Variants in PRKN observed in about 807,000 individuals in gnomAD.
PRKN encodes parkin RBR E3 ubiquitin protein ligase.
In PRKN, 56 loss-of-function variants were observed where a neutral mutation model predicts 59.5. The observed-to-expected ratio is 0.94, with a 90% CI of 0.76 to 1.18. The LOEUF is 1.18. Ranked by LOEUF, PRKN falls within the 50% of genes most tolerant of loss-of-function variation. The pLI, the probability that PRKN is intolerant of heterozygous loss-of-function variation, is 0.00. For synonymous variants in PRKN, 250 were observed against 222.1 expected (o/e 1.13, Z -1.12); for missense variants, 657 against 596.4 (o/e 1.10, Z -1.06).
intron 2 of PRKN, among the ~76,000 whole-genome samples, chr6:162,287,304 C>T (rs1335749193): frequency 2.0e-5 from 3 of 152,226 alleles, no homozygotes; most frequent in East Asian, 1.9e-4. Flanking sequence ...TGGGGGTTCT[C>T]GCCTGTAATC....
chr6:161,556,662 T>G (rs1338900626), intron 8 of PRKN, among the ~76,000 whole-genome samples: 1 of 152,188 alleles, frequency 6.6e-6, no homozygotes, highest in Non-Finnish European at 1.5e-5. Flanking sequence ...CTACCCCAGT[T>G]GGTGGAAGGG....
Position 161,576,258 on chromosome 6 carries a change from G to A in PRKN, c.872-6842C>T, listed in dbSNP as rs1286823174. Among the ~76,000 whole-genome samples, 1 of 152,134 alleles carries A rather than the reference G, an allele frequency of 6.6e-6. No individual in the cohort carries two copies. The highest frequency in any genetic ancestry group is 2.4e-5 in the African/African-American group (1 of 41,432). Reference sequence around the variant, plus strand: ...ATTTTAATCCTTTCTCTCTGCTGATGGGTTTTTATTTATAAAGGATTATTC... The same window carrying A: ...ATTTTAATCCTTTCTCTCTGCTGATAGGTTTTTATTTATAAAGGATTATTC... On this transcript the variant is annotated intron_variant, in intron 7 of 11. Transcript: ENST00000366898. This position sits in a 1 kb window ranked among gnomAD's most constrained non-coding sequence, Gnocchi z 4.6.
At chr6:161,394,243 T>C (rs1786645960) in intron 9 of PRKN, among the ~76,000 whole-genome samples, 1 of 152,200 alleles carries the variant, frequency 6.6e-6, no homozygotes, top group African/African-American at 2.4e-5. Context: ...GAGGCAATCT[T>C]AAACTGTGCT....
chr6:161,775,569 T>G (rs1440161532), intron 7 of PRKN, among the ~76,000 whole-genome samples: 2 of 152,224 alleles, frequency 1.3e-5, no homozygotes, highest in African/African-American at 4.8e-5. Flanking sequence ...CAACTAATTA[T>G]GTTGAATTTT....
intron 1 of PRKN, among the ~76,000 whole-genome samples, chr6:162,687,502 G>C (rs956347104): frequency 6.6e-6 from 1 of 151,872 alleles, no homozygotes; most frequent in African/African-American, 2.4e-5. Context: ...GTCTTTTATG[G>C]AGAAATAGAG....
At chr6:161,978,442 T>C (rs974396934) in intron 5 of PRKN, among the ~76,000 whole-genome samples, 1 of 152,296 alleles carries the variant, frequency 6.6e-6, no homozygotes, top group East Asian at 1.9e-4. Context: ...CAGCAGACAA[T>C]AAAGGAACAC....
At chr6:162,137,996 TAGCAG>T (rs1282571116) in intron 4 of PRKN, among the ~76,000 whole-genome samples, 1 of 151,614 alleles carries the variant, frequency 6.6e-6, no homozygotes, top group Non-Finnish European at 1.5e-5. Context: ...TTGTTAGCTA[TAGCAG>T]AGGAAGGGAG....
intron 1 of PRKN, among the ~76,000 whole-genome samples, chr6:162,500,975 G>T (rs1021848701): frequency 1.3e-5 from 2 of 152,068 alleles, no homozygotes; most frequent in African/African-American, 4.8e-5. Context: ...AGAACAGCTT[G>T]GGCAATATAG....
In PRKN at chr6:161,502,270, C is replaced by A. The variant is rs943676743; in HGVS notation, c.1083+46584G>T. On this transcript the variant is annotated intron_variant, in intron 9 of 11. Transcript: ENST00000366898. The surrounding 1 kb of genome is among the most constrained non-coding windows in gnomAD (Gnocchi z 4.0). Reference sequence around the variant, plus strand: ...CCTATCCCTATGTTATAGCTGAGGACGCTGAGACATAAAGAGATTAAGACG... The same window carrying A: ...CCTATCCCTATGTTATAGCTGAGGAAGCTGAGACATAAAGAGATTAAGACG... 6.6e-6 allele frequency among the ~76,000 whole-genome samples: 1 copy of A among 152,040 alleles called. No homozygotes were observed. Among genetic ancestry groups the A allele is most frequent in the African/African-American group, 2.4e-5 (1 of 41,384 alleles).
chr6:162,621,986 A>AC (rs1411996763), intron 1 of PRKN, among the ~76,000 whole-genome samples: 1 of 151,832 alleles, frequency 6.6e-6, no homozygotes, highest in Non-Finnish European at 1.5e-5. Flanking sequence ...AGCTAATTGT[A>AC]TTTTTTAGTA....
chr6:161,777,773 ATATATG>A (rs1356081355), intron 7 of PRKN, among the ~76,000 whole-genome samples: 16 of 142,614 alleles, frequency 1.1e-4, no homozygotes, highest in South Asian at 4.3e-4. Flanking sequence ...GTATATATGT[ATATATG>A]TATATGTATA....
intron 3 of PRKN, among the ~76,000 whole-genome samples, chr6:162,246,135 A>C (rs974822350): frequency 6.8e-6 from 1 of 146,158 alleles, no homozygotes; most frequent in Non-Finnish European, 1.6e-5. Flanking sequence ...TTGCAGGCTG[A>C]ATTACGTCAA....
chr6:162,221,484 T>C (rs1333829247), intron 3 of PRKN, among the ~76,000 whole-genome samples: 1 of 152,182 alleles, frequency 6.6e-6, no homozygotes, highest in African/African-American at 2.4e-5. Flanking sequence ...AAGCATGCTT[T>C]ATTCAGTAAT....
chr6:161,519,854 C>T (rs1175942352), intron 9 of PRKN, among the ~76,000 whole-genome samples: 2 of 150,814 alleles, frequency 1.3e-5, no homozygotes, highest in African/African-American at 4.9e-5. Flanking sequence ...TTCTCCTGCC[C>T]ACACCCAGGA....
At chr6:162,193,652 G>A (rs1013022241) in intron 4 of PRKN, among the ~76,000 whole-genome samples, 1 of 152,162 alleles carries the variant, frequency 6.6e-6, no homozygotes, top group African/African-American at 2.4e-5. Context: ...GTGTCCTATG[G>A]CCATTTGTAG....
At position 162,624,120 on chromosome 6, in the gene PRKN, T is replaced by A. The variant is rs543801659; in HGVS notation, c.7+103542A>T. On this transcript the variant is annotated intron_variant, in intron 1 of 11. Coordinates refer to ENST00000366898, the MANE Select transcript of PRKN (RefSeq NM_004562.3). ...AAAATTAACTGGGCATGGTGCCGCA[T>A]CCCTGTAGTCCCAGCTACTCGGGAG... is the stretch of plus-strand genomic sequence containing the variant. Among the ~76,000 whole-genome samples, 12 of 151,936 alleles carry A rather than the reference T, an allele frequency of 7.9e-5. No homozygotes were observed. In the East Asian group the frequency reaches 1.9e-3, roughly 25 times the overall value.
At chr6:162,302,844 C>A (rs1259971130) in intron 2 of PRKN, among the ~76,000 whole-genome samples, 5 of 152,014 alleles carry the variant, frequency 3.3e-5, no homozygotes, top group Non-Finnish European at 7.4e-5. Flanking sequence ...ATTCACCTCC[C>A]ACTGCCACAT....
intron 9 of PRKN, among the ~76,000 whole-genome samples, chr6:161,416,205 C>T (rs1469490471): frequency 6.6e-6 from 1 of 152,170 alleles, no homozygotes; most frequent in Non-Finnish European, 1.5e-5. Flanking sequence ...TCTGTGGCCA[C>T]TTTCACAGAA....
At chr6:161,792,207 A>C (rs1790667109) in intron 6 of PRKN, among the ~76,000 whole-genome samples, 1 of 152,198 alleles carries the variant, frequency 6.6e-6, no homozygotes, top group African/African-American at 2.4e-5. Context: ...TGTGAGAGGC[A>C]ATGTTTATTA....
Sources: gnomAD v4.1 joint callset for allele counts (sites outside exome capture counted in the v4.1 genomes callset) on GRCh38, gnomAD v4.1.1 for gene constraint, Gnocchi (gnomAD v3.1) non-coding constraint, MANE v1.5 for transcripts, NCBI Gene and HGNC (gene_info 2026-07-23, HGNC 2026-07-21) for gene names.